TRAPPC10: variants seen among roughly 807,000 people sequenced by gnomAD.
TRAPPC10 encodes the protein TRAPP 130 kDa subunit.
Under a neutral mutation model 125.5 loss-of-function variants are expected in TRAPPC10, and 23 were observed. The ratio of observed to expected loss-of-function variants is 0.18; its 90% CI spans 0.13 to 0.26. The LOEUF (loss-of-function observed/expected upper bound fraction) is 0.26, where lower values mean the gene tolerates loss of function less well. TRAPPC10 is among the 10% of genes least tolerant of loss of function. The probability of loss-of-function intolerance (pLI) is 1.00; values close to 1 mark genes in which losing one functional copy is unlikely to be tolerated. For missense variants in TRAPPC10, 1,123 were observed against 1,308.4 expected (o/e 0.86, Z 2.19); for synonymous variants, 509 against 518.0 (o/e 0.98, Z 0.24).
Position 44,094,131 on chromosome 21 carries a change from T to G in TRAPPC10, c.3066T>G (p.Ser1022=), listed in dbSNP as rs1191703033. The G allele has an allele frequency of 6.2e-7, 1 of 1,614,188 alleles. No homozygotes were observed. The highest frequency in any genetic ancestry group is 1.7e-5 in the Admixed American group (1 of 60,028). The part of the protein sequence containing the change: ...ELKWTEEPPP[S]LHCRFSVGFS... ...AGTGGACAGAAGAGCCTCCCCCTTC[T>G]CTGCATTGCCGGTTCTCTGTTGGAT... The change falls in exon 20 of 23, where the codon TCT becomes TCG. Residue 1022 remains serine, a synonymous_variant. Transcript: ENST00000291574.
chr21:44,060,940 A>ACACACACACT (rs1383492838), intron 6 of TRAPPC10, among the ~76,000 whole-genome samples: 4 of 145,844 alleles, frequency 2.7e-5, no homozygotes, highest in Non-Finnish European at 4.5e-5. Context: ...ACACACACAC[A>ACACACACACT]CACACACTTT....
intron 3 of TRAPPC10, chr21:44,047,057 A>C: frequency 1.4e-6 from 1 of 698,282 alleles, no homozygotes; most frequent in East Asian, 3.1e-5. Context: ...ATTCTGCTGA[A>C]GCTCAAGCAA....
intron 15 of TRAPPC10, among the ~76,000 whole-genome samples, chr21:44,084,684 G>A (rs1030545182): frequency 1.3e-5 from 2 of 152,142 alleles, no homozygotes; most frequent in African/African-American, 4.8e-5. Context: ...TGGAGCTGGC[G>A]TCAGACACCA....
intron 1 of TRAPPC10, among the ~76,000 whole-genome samples, chr21:44,020,327 C>T (rs963922996): frequency 2.6e-5 from 4 of 151,984 alleles, no homozygotes; most frequent in Non-Finnish European, 4.4e-5. Context: ...TGGAGTTCAC[C>T]GTGTTAGCCA....
intron 3 of TRAPPC10, among the ~76,000 whole-genome samples, chr21:44,042,468 G>A (rs896885818): frequency 5.9e-5 from 9 of 151,944 alleles, no homozygotes; most frequent in African/African-American, 1.9e-4. Context: ...TAGCTTTATT[G>A]CATTGTGTTC....
At position 44,082,799 on chromosome 21, in the gene TRAPPC10, G is replaced by A. The variant is rs367626156; in HGVS notation, c.1735G>A (p.Val579Met). ...ATGTCTATTTACAGGTCATAAGATAGTGCTACCCATGCATTCCTTTGCACA... is the reference window on the plus strand; with the variant it reads ...ATGTCTATTTACAGGTCATAAGATAATGCTACCCATGCATTCCTTTGCACA... ...QPSDSPGHKI[V>M]LPMHSFAQLR... Residue 579 changes from valine to methionine, a missense_variant, in exon 14 of 23, where the codon GTG (valine) becomes ATG (methionine). This residue lies in a region of TRAPPC10 where 840 missense variants were observed against 902.0 expected (regional missense o/e 0.93). Coordinates refer to ENST00000291574, the MANE Select transcript of TRAPPC10 (RefSeq NM_003274.5). The surrounding 1 kb of genome is among the most constrained non-coding windows in gnomAD (Gnocchi z 4.4). 1.2e-6 allele frequency: 2 copies of A among 1,613,872 alleles called. No individual in the cohort carries two copies. Among genetic ancestry groups the A allele is most frequent in the African/African-American group, 2.7e-5 (2 of 74,862 alleles).
intron 3 of TRAPPC10, 126 bp downstream of exon 3, chr21:44,038,053 G>A (rs2034122826): frequency 7.5e-7 from 1 of 1,333,132 alleles, no homozygotes; most frequent in Non-Finnish European, 1.0e-6. Context: ...CGTGGAGAGT[G>A]CTGTGTGAGT....
chr21:44,080,712 T>C (rs1004374964), intron 13 of TRAPPC10, among the ~76,000 whole-genome samples: 1 of 152,016 alleles, frequency 6.6e-6, no homozygotes, highest in African/African-American at 2.4e-5. Flanking sequence ...TAATTTTTTG[T>C]ATTTTTAGTA....
intron 4 of TRAPPC10, 59 bp from the exon 5 acceptor site, chr21:44,055,639 T>G: frequency 1.6e-5 from 22 of 1,347,396 alleles, no homozygotes; most frequent in Non-Finnish European, 1.9e-5. Flanking sequence ...TGGCAGCTGC[T>G]GAGTCGTGGT....
chr21:44,024,480 G>A (rs2032866278), intron 1 of TRAPPC10, among the ~76,000 whole-genome samples: 2 of 152,182 alleles, frequency 1.3e-5, no homozygotes. Flanking sequence ...TCATTACATA[G>A]ACTCTGAATA....
intron 6 of TRAPPC10, chr21:44,062,722 G>C (rs2036150205): frequency 1.0e-6 from 1 of 985,392 alleles, no homozygotes; most frequent in African/African-American, 1.7e-5. Context: ...GCAGGGGCTG[G>C]GCTGGCAGGT....
At chr21:44,093,163 T>C (rs1402644787) in intron 19 of TRAPPC10, among the ~76,000 whole-genome samples, 1 of 152,218 alleles carries the variant, frequency 6.6e-6, no homozygotes, top group African/African-American at 2.4e-5. Flanking sequence ...ATATGCTATA[T>C]ATTAATTAAT....
rs2035832019 is a variant in TRAPPC10 at position 44,059,024 on chromosome 21, G to A, written c.679-79G>A. On this transcript the variant is annotated intron_variant, in intron 5 of 22. Coordinates refer to ENST00000291574, the MANE Select transcript of TRAPPC10 (RefSeq NM_003274.5). The surrounding 1 kb of genome is among the most constrained non-coding windows in gnomAD (Gnocchi z 4.4). Reference sequence around the variant, plus strand: ...ATAGTGCTGCGTGCCTTTCTCTGTCGTTTAATGGCTACATACTGTTTCTTC... The same window carrying A: ...ATAGTGCTGCGTGCCTTTCTCTGTCATTTAATGGCTACATACTGTTTCTTC... 2.7e-6 allele frequency: 3 copies of A among 1,091,746 alleles called. No individual in the cohort carries two copies. The highest frequency in any genetic ancestry group is 2.6e-5 in the East Asian group (1 of 38,684). 67.6% of individuals were successfully genotyped at this position (1,091,746 alleles called of 1,614,324 possible).
intron 3 of TRAPPC10, among the ~76,000 whole-genome samples, chr21:44,049,713 C>T (rs530072535): frequency 2.6e-4 from 39 of 152,162 alleles, no homozygotes; most frequent in Non-Finnish European, 5.1e-4. Context: ...GTACCTGGGG[C>T]GGCCTGCTGT....
At chr21:44,064,143 A>G (rs928277045) in intron 7 of TRAPPC10, among the ~76,000 whole-genome samples, 7 of 152,148 alleles carry the variant, frequency 4.6e-5, no homozygotes, top group African/African-American at 1.7e-4. Context: ...GTAGACATTT[A>G]TTTTATTTCA....
intron 7 of TRAPPC10, among the ~76,000 whole-genome samples, chr21:44,072,422 C>T (rs1377601904): frequency 6.6e-6 from 1 of 152,178 alleles, no homozygotes; most frequent in South Asian, 2.1e-4. Context: ...AAGCACTGTA[C>T]GTCTTCCTGC....
chr21:44,074,372 C>G lies in TRAPPC10; in HGVS notation c.1087C>G (p.Leu363Val). 6.2e-7 allele frequency: 1 copy of G among 1,614,238 alleles called. No individual in the cohort carries two copies. The highest frequency in any genetic ancestry group is 8.5e-7 in the Non-Finnish European group (1 of 1,180,044). Residue 363 changes from leucine to valine, a missense_variant, in exon 8 of 23, where the codon CTG (leucine) becomes GTG (valine). This residue lies in a region of TRAPPC10 where 840 missense variants were observed against 902.0 expected (regional missense o/e 0.93). Coordinates refer to ENST00000291574, the MANE Select transcript of TRAPPC10 (RefSeq NM_003274.5). ...GGACTGCTGGGTGTTTCTGAGCTGT[C>G]TGGAGGTGTTGCAGAGGATAGAAGG... ...ALDCWVFLSC[L>V]EVLQRIEGCC...
In TRAPPC10 at chr21:44,080,683, G is replaced by A. The variant is rs115328713; in HGVS notation, c.1723+556G>A. On this transcript the variant is annotated intron_variant, in intron 13 of 22. Transcript: ENST00000291574. The stretch of plus-strand genomic sequence containing the variant: ...CTCCCAAGTAGCTGGGGTTACGTGC[G>A]CCCGCCACCATGCCCTGCTAATTTT... 5.3e-3 allele frequency among the ~76,000 whole-genome samples: 804 copies of A among 151,746 alleles called. 6 individuals carry two copies. The highest frequency in any genetic ancestry group is 0.018 in the African/African-American group (744 of 41,382).
chr21:44,088,025 C>G, intron 17 of TRAPPC10, 97 bp downstream of exon 17: 1 of 1,063,202 alleles, frequency 9.4e-7, no homozygotes, highest in Non-Finnish European at 1.4e-6. Flanking sequence ...GTTAGCCTGG[C>G]TCCTTCTGAT....
Sources: gnomAD v4.1 joint callset for allele counts (sites outside exome capture counted in the v4.1 genomes callset) on GRCh38, gnomAD v4.1.1 for gene constraint, gnomAD v4.1.1 regional missense constraint, Gnocchi (gnomAD v3.1) non-coding constraint, MANE v1.5 for transcripts, NCBI Gene and HGNC (gene_info 2026-07-23, HGNC 2026-07-21) for gene names.